Variants in ANAPC7 observed in about 807,000 individuals in gnomAD.
ANAPC7 encodes the protein anaphase-promoting complex subunit 7.
In ANAPC7, 25 loss-of-function variants were observed where a neutral mutation model predicts 63.3. That is an observed-to-expected ratio of 0.39 (90% CI 0.29 to 0.55). The LOEUF is 0.55. ANAPC7 is among the 20% of genes least tolerant of loss of function. The pLI, the probability that ANAPC7 is intolerant of heterozygous loss-of-function variation, is 0.57. For missense variants in ANAPC7, 516 were observed against 691.7 expected, an observed-to-expected ratio of 0.75 and a Z score of 2.85; for synonymous variants, 241 against 251.7, an observed-to-expected ratio of 0.96 and a Z score of 0.40.
intron 1 of ANAPC7, among the ~76,000 whole-genome samples, chr12:110,402,598 T>C (rs144978882): frequency 1.3e-5 from 2 of 150,478 alleles, no homozygotes; most frequent in African/African-American, 4.9e-5. Flanking sequence ...CCTCCCAAAG[T>C]GCTGGGATTA....
intron 4 of ANAPC7, among the ~76,000 whole-genome samples, chr12:110,388,209 G>GT (rs1433683003): frequency 6.6e-6 from 1 of 151,924 alleles, no homozygotes. Context: ...GCTAATTTTT[G>GT]TATTTTTAGT....
rs2062140093 is a variant in ANAPC7, at chr12:110,396,552, C to T, written c.102-100G>A. ...TTGAAATAGATTCTCACTCTGTCAC[C>T]CAGGCTGGAGTGCAGTGGCACGATC... On this transcript the variant is annotated intron_variant, in intron 1 of 10. Transcript: ENST00000455511. 5.1e-6 allele frequency: 5 copies of T among 989,544 alleles called. No homozygotes were observed. In the South Asian group the frequency reaches 8.7e-5, roughly 17 times the overall value. The allele number at this position is 989,544 out of a possible 1,614,324, so 61.3% of individuals were successfully genotyped here.
chr12:110,402,356 G>A (rs1464302713), intron 1 of ANAPC7, among the ~76,000 whole-genome samples: 1 of 150,250 alleles, frequency 6.7e-6, no homozygotes, highest in African/African-American at 2.4e-5. Flanking sequence ...TTGAGACGGA[G>A]TCTCGCTCTG....
At chr12:110,375,126 C>T (rs1276946861) in intron 10 of ANAPC7, among the ~76,000 whole-genome samples, 2 of 152,176 alleles carry the variant, frequency 1.3e-5, no homozygotes, top group African/African-American at 2.4e-5. Flanking sequence ...CCGTTTCTAC[C>T]GATATAAATG....
At position 110,403,514 on chromosome 12, in the gene ANAPC7, C is replaced by A. The variant is rs1190775766; in HGVS notation, c.101+13G>T. The A allele has an allele frequency of 2.5e-6, 4 of 1,583,186 alleles. No homozygotes were observed. Among genetic ancestry groups the A allele is most frequent in the East Asian group, 4.6e-5 (2 of 43,636 alleles). ...TTCTCCTCAGCCCCAGGCAGCTACC[C>A]GCCTCAACTCACGGGTTGTTATTAC... is the stretch of plus-strand genomic sequence containing the variant. On this transcript the variant is annotated intron_variant, in intron 1 of 10. Transcript: ENST00000455511.
chr12:110,382,800 A>T (rs765195191), intron 7 of ANAPC7, 43 bp downstream of exon 7: 3 of 1,480,898 alleles, frequency 2.0e-6, no homozygotes, highest in East Asian at 4.6e-5. Flanking sequence ...ATTATCTCTT[A>T]ATCTACTGAC....
At chr12:110,382,758 G>A (rs1466004266) in intron 7 of ANAPC7, 85 bp downstream of exon 7, 13 of 1,171,390 alleles carry the variant, frequency 1.1e-5, no homozygotes, top group Non-Finnish European at 1.6e-5. Context: ...TTAAACCTGT[G>A]CTTTCAATTT....
At chr12:110,402,911 T>C in intron 1 of ANAPC7, among the ~76,000 whole-genome samples, 1 of 151,906 alleles carries the variant, frequency 6.6e-6, no homozygotes, top group South Asian at 2.1e-4. Context: ...AATTGTTTAA[T>C]TTTTACTTTT....
chr12:110,374,386 G>A (rs1881064446), intron 10 of ANAPC7, 53 bp from the exon 11 acceptor site: 8 of 1,563,684 alleles, frequency 5.1e-6, no homozygotes, highest in Non-Finnish European at 7.0e-6. Context: ...TGCTCTTGCT[G>A]GCTGATTCGT....
intron 7 of ANAPC7, among the ~76,000 whole-genome samples, chr12:110,382,450 AAAAAAAAAAAAATATATAT>A (rs1433108726): frequency 3.7e-5 from 3 of 81,180 alleles, no homozygotes; most frequent in African/African-American, 1.7e-4. Flanking sequence ...TTAAAAAAAA[AAAAAAAAAAAAATATATAT>A]ATATATATAT....
chr12:110,375,985 G>A (rs1313847586), intron 10 of ANAPC7, 81 bp downstream of exon 10: 3 of 1,466,258 alleles, frequency 2.0e-6, no homozygotes, highest in Admixed American at 2.2e-5. Flanking sequence ...GTGTGTGTGT[G>A]TTTCCATAAC....
At chr12:110,375,561 C>T (rs1881187203) in intron 10 of ANAPC7, 1 of 812,382 alleles carries the variant, frequency 1.2e-6, no homozygotes, top group Non-Finnish European at 1.5e-6. Flanking sequence ...ATCATTTAAC[C>T]CTCATTCGAT....
intron 2 of ANAPC7, 97 bp from the exon 3 acceptor site, chr12:110,395,317 T>C: frequency 8.0e-7 from 1 of 1,243,624 alleles, no homozygotes; most frequent in Non-Finnish European, 1.1e-6. Flanking sequence ...ACCCAGCAAT[T>C]CTTTTTTTTT....
chr12:110,374,540 T>C (rs4131851), intron 10 of ANAPC7, among the ~76,000 whole-genome samples: 21,229 of 152,170 alleles, frequency 0.14, 2,189 homozygotes, highest in African/African-American at 0.29. Flanking sequence ...TCCTAATTTT[T>C]AGAGTTCTCA....
In ANAPC7 at chr12:110,396,382, C is replaced by T. The variant is rs1883580763; in HGVS notation, c.172G>A (p.Glu58Lys). 1 of 1,613,870 alleles carries T rather than the reference C, an allele frequency of 6.2e-7. No homozygotes were observed. Among genetic ancestry groups the T allele is most frequent in the South Asian group, 1.1e-5 (1 of 91,064 alleles). The change falls in exon 2 of 11, where the codon GAA becomes AAA. Residue 58 changes from glutamate to lysine, a missense_variant. Physicochemically the swap from Glu to Lys is moderately conservative, Grantham distance 56. This residue lies in a region of ANAPC7 where 185 missense variants were observed against 200.3 expected (regional missense o/e 0.92). Coordinates refer to ENST00000455511, the MANE Select transcript of ANAPC7 (RefSeq NM_016238.3). The stretch of plus-strand genomic sequence containing the variant: ...TACTTACTCACAGCATTCCGATATT[C>T]CTTATCATGAAAGAGAGAATCTGCA... Reference protein sequence around the residue: ...YHADSLFHDKEYRNAVSKYTM... With the variant: ...YHADSLFHDKKYRNAVSKYTM...
intron 10 of ANAPC7, among the ~76,000 whole-genome samples, chr12:110,375,242 T>C (rs2137912569): frequency 6.6e-6 from 1 of 152,274 alleles, no homozygotes; most frequent in African/African-American, 2.4e-5. Flanking sequence ...GACTCCCACC[T>C]TCCCTTCTAC....
intron 1 of ANAPC7, among the ~76,000 whole-genome samples, chr12:110,398,934 C>G (rs2062182211): frequency 6.6e-6 from 1 of 151,898 alleles, no homozygotes; most frequent in African/African-American, 2.4e-5. Context: ...GCAACAAGAG[C>G]CAAACTCCAT....
chr12:110,375,166 C>T lies in ANAPC7; in HGVS notation c.1509-833G>A, dbSNP rs1881151107. Among the ~76,000 whole-genome samples, 2 of 152,210 alleles carry T rather than the reference C, an allele frequency of 1.3e-5. 1 individual carries two copies. Among genetic ancestry groups the T allele is most frequent in the South Asian group, 4.1e-4 (2 of 4,834 alleles). On this transcript the variant is annotated intron_variant, in intron 10 of 10. Transcript: ENST00000455511. ...CCGATCTGTAACATCTCCTCGTCTCCTGGTTGAAGCCTTCCACATCCTGTA... is the reference window on the plus strand; with the variant it reads ...CCGATCTGTAACATCTCCTCGTCTCTTGGTTGAAGCCTTCCACATCCTGTA...
At chr12:110,399,808 A>G (rs1472242242) in intron 1 of ANAPC7, among the ~76,000 whole-genome samples, 2 of 151,026 alleles carry the variant, frequency 1.3e-5, no homozygotes, top group Non-Finnish European at 3.0e-5. Flanking sequence ...AAAAAAAAAA[A>G]AAAGGGGCCA....
Sources: allele counts gnomAD v4.1 joint callset (sites outside exome capture counted in the v4.1 genomes callset), GRCh38; gene constraint gnomAD v4.1.1; regional missense constraint gnomAD v4.1.1; transcripts MANE v1.5; gene names NCBI Gene and HGNC (gene_info 2026-07-23, HGNC 2026-07-21).